Variants in CASK observed in about 807,000 individuals in gnomAD.
CASK encodes the protein calcium/calmodulin dependent serine protein kinase.
A neutral mutation model predicts 82.9 loss-of-function variants in CASK; 4 were observed. The ratio of observed to expected loss-of-function variants is 0.05; its 90% CI spans 0.02 to 0.11. The LOEUF (loss-of-function observed/expected upper bound fraction) is 0.11. CASK is among the 10% of genes least tolerant of loss of function. CASK has a pLI of 1.00. For missense variants in CASK, 358 were observed against 720.9 expected (o/e 0.50, Z 5.76); for synonymous variants, 259 against 253.5 (o/e 1.02, Z -0.20).
intron 25 of CASK, 21 bp from the exon 26 acceptor site, chrX:41,524,055 A>AT: frequency 9.4e-7 from 1 of 1,068,336 alleles, no homozygotes; most frequent in Non-Finnish European, 1.3e-6. Context: ...AAAAAAAAAA[A>AT]AAATCCCGAC....
chrX:41,680,274 G>C, intron 5 of CASK, among the ~76,000 whole-genome samples: 1 of 108,962 alleles, frequency 9.2e-6, no homozygotes, highest in Admixed American at 9.9e-5. Context: ...AAGAGGTCAA[G>C]AGATTGAGAC....
intron 9 of CASK, among the ~76,000 whole-genome samples, chrX:41,632,948 C>A (rs188410804): frequency 2.5e-4 from 26 of 105,787 alleles, no homozygotes; most frequent in African/African-American, 8.7e-4. Flanking sequence ...GAGGCTGAGG[C>A]AGGATAATCA....
chrX:41,731,170 A>C (rs1469279624), intron 5 of CASK, among the ~76,000 whole-genome samples: 2 of 113,002 alleles, frequency 1.8e-5, no homozygotes, highest in Non-Finnish European at 3.7e-5. Context: ...CTGTAATCCC[A>C]GCACTTCAGG....
At chrX:41,743,360 T>C (rs2068627626) in intron 4 of CASK, among the ~76,000 whole-genome samples, 1 of 111,872 alleles carries the variant, frequency 8.9e-6, no homozygotes, top group East Asian at 2.8e-4. Flanking sequence ...AAATTTAAAA[T>C]TGTAATAAAA....
At chrX:41,582,173 C>T (rs779587619) in intron 14 of CASK, among the ~76,000 whole-genome samples, 3 of 110,583 alleles carry the variant, frequency 2.7e-5, no homozygotes, top group South Asian at 7.8e-4. Context: ...TCTTATCCCC[C>T]CTACAGTCCG....
chrX:41,919,947 G>A (rs771384416), intron 1 of CASK, among the ~76,000 whole-genome samples: 1 of 111,794 alleles, frequency 8.9e-6, no homozygotes, highest in Non-Finnish European at 1.9e-5. Flanking sequence ...CATTAACTCT[G>A]TAAGTTATCT....
In CASK at chrX:41,576,295, A is replaced by G. The variant is rs1379552293; in HGVS notation, c.1503+2045T>C. 2.7e-5 allele frequency among the ~76,000 whole-genome samples: 3 copies of G among 111,049 alleles called. No homozygotes were observed. The East Asian group carries it at 8.5e-4, about 31-fold the overall frequency. Reference sequence around the variant, plus strand: ...GCCAATTCAGTCTATGTTTCTATGTAGTGAGTCTTCACACAAACAATCAAG... The same window carrying G: ...GCCAATTCAGTCTATGTTTCTATGTGGTGAGTCTTCACACAAACAATCAAG... On this transcript the variant is annotated intron_variant, in intron 15 of 26. Coordinates refer to ENST00000378163, the MANE Select transcript of CASK (RefSeq NM_001367721.1).
chrX:41,695,786 A>G, intron 5 of CASK: 2 of 1,209,902 alleles, frequency 1.7e-6, no homozygotes, highest in Non-Finnish European at 2.2e-6. Context: ...TGGATGAAAA[A>G]TTGCTATCTA....
chrX:41,592,840 C>T (rs888005274), intron 12 of CASK, among the ~76,000 whole-genome samples: 5 of 111,720 alleles, frequency 4.5e-5, no homozygotes, highest in African/African-American at 1.6e-4. Context: ...TTGGTTACCC[C>T]TACTATTCTC....
chrX:41,657,348 C>T (rs2066957326), intron 8 of CASK, among the ~76,000 whole-genome samples: 1 of 112,148 alleles, frequency 8.9e-6, no homozygotes, highest in Admixed American at 9.4e-5. Flanking sequence ...GAAACCAAGA[C>T]CATTCCTGCT....
chrX:41,916,193 A>T (rs1426956263), intron 1 of CASK, among the ~76,000 whole-genome samples: 1 of 112,711 alleles, frequency 8.9e-6, no homozygotes, highest in African/African-American at 3.2e-5. Context: ...AGAAAATAAA[A>T]TTTACTACGT....
intron 8 of CASK, among the ~76,000 whole-genome samples, chrX:41,642,249 G>C (rs2066672114): frequency 9.0e-6 from 1 of 111,497 alleles, no homozygotes; most frequent in Non-Finnish European, 1.9e-5. Flanking sequence ...ATAATCCTTT[G>C]GTTATATACC....
At chrX:41,812,205 T>A (rs777577667) in intron 2 of CASK, among the ~76,000 whole-genome samples, 1 of 111,175 alleles carries the variant, frequency 9.0e-6, no homozygotes, top group Non-Finnish European at 1.9e-5. Context: ...TTCCAATCAA[T>A]AGAAAAAGAG....
rs747813548 is a variant in CASK at position 41,557,090 on chromosome X, G to A, written c.1748C>T (p.Pro583Leu). The change falls in exon 19 of 27, where the codon CCT (proline) becomes CTT (leucine). Residue 583 changes from proline to leucine, a missense_variant. Physicochemically the swap from Pro to Leu is moderately conservative, Grantham distance 98. This residue lies in a region of CASK where 41 missense variants were observed against 39.4 expected (regional missense o/e 1.04). Coordinates refer to ENST00000378163, the MANE Select transcript of CASK (RefSeq NM_001367721.1). ...TQSSSCERDS[P>L]STSRQSPANG... ...AGCTGGGGACTGTCTGGAAGTGGAA[G>A]GGGAATCTCTCTGAAATAAGACACA... 2 of 1,201,101 alleles carry A rather than the reference G, an allele frequency of 1.7e-6. No individual in the cohort carries two copies. Among genetic ancestry groups the A allele is most frequent in the South Asian group, 1.8e-5 (1 of 56,715 alleles).
intron 11 of CASK, 124 bp from the exon 12 acceptor site, chrX:41,610,149 T>A: frequency 1.5e-6 from 1 of 663,148 alleles, no homozygotes; most frequent in Non-Finnish European, 2.4e-6. Flanking sequence ...GCTAGTGTCT[T>A]TACTGAAGGA....
At chrX:41,721,424 A>T (rs1237752663) in intron 5 of CASK, among the ~76,000 whole-genome samples, 1 of 111,635 alleles carries the variant, frequency 9.0e-6, no homozygotes, top group Non-Finnish European at 1.9e-5. Context: ...TTGCTTAACA[A>T]AGTCCAGAGT....
At chrX:41,809,393 T>C (rs1249074238) in intron 2 of CASK, among the ~76,000 whole-genome samples, 1 of 112,040 alleles carries the variant, frequency 8.9e-6, no homozygotes, top group Middle Eastern at 4.2e-3. Context: ...AGACGAAGCT[T>C]CCAGAGGAAC....
intron 1 of CASK, among the ~76,000 whole-genome samples, chrX:41,872,486 C>A: frequency 9.0e-6 from 1 of 111,679 alleles, no homozygotes. Flanking sequence ...ACCTTACTAC[C>A]AAGAGGTCAT....
intron 4 of CASK, chrX:41,743,430 G>A (rs1413199329): frequency 3.9e-6 from 1 of 257,960 alleles, no homozygotes; most frequent in Non-Finnish European, 6.9e-6. Flanking sequence ...AGAGAACATT[G>A]CACAAAAGAA....
Sources: gnomAD v4.1 joint callset for allele counts (sites outside exome capture counted in the v4.1 genomes callset) on GRCh38, gnomAD v4.1.1 for gene constraint, gnomAD v4.1.1 regional missense constraint, MANE v1.5 for transcripts, NCBI Gene and HGNC (gene_info 2026-07-23, HGNC 2026-07-21) for gene names.